ZSCAN30: variants seen among roughly 807,000 people sequenced by gnomAD.
ZSCAN30 encodes zinc finger and SCAN domain-containing protein 30.
ZSCAN30 carries 37 observed loss-of-function variants against 44.3 expected under a neutral mutation model. The ratio of observed to expected loss-of-function variants is 0.84; its 90% CI spans 0.64 to 1.10. The LOEUF (loss-of-function observed/expected upper bound fraction) is 1.10, where lower values mean the gene tolerates loss of function less well. Among genes scored for constraint, ZSCAN30 ranks in the 50% least tolerant of loss-of-function variants. The pLI is 0.00. For synonymous variants in ZSCAN30, 181 were observed against 204.6 expected, an observed-to-expected ratio of 0.88 and a Z score of 0.98; for missense variants, 549 against 582.6, an observed-to-expected ratio of 0.94 and a Z score of 0.59.
chr18:35,272,297 T>A (rs8083628), intron 1 of ZSCAN30, among the ~76,000 whole-genome samples: 118,158 of 151,134 alleles, frequency 0.78, 47,807 homozygotes, highest in Non-Finnish European at 0.89. Context: ...CCCAAAGTGC[T>A]GGGATTACAG....
chr18:35,271,686 G>C (rs1221575196), intron 1 of ZSCAN30, among the ~76,000 whole-genome samples: 1 of 152,224 alleles, frequency 6.6e-6, no homozygotes, highest in East Asian at 1.9e-4. Context: ...GATCGGACCG[G>C]GCACCACGGA....
At chr18:35,271,259 T>G (rs2044268403) in intron 1 of ZSCAN30, among the ~76,000 whole-genome samples, 1 of 152,224 alleles carries the variant, frequency 6.6e-6, no homozygotes, top group African/African-American at 2.4e-5. Flanking sequence ...TACAGAGAGC[T>G]GATTGGTCCG....
chr18:35,266,575 G>A (rs1057375419), intron 1 of ZSCAN30: 2 of 151,480 alleles, frequency 1.3e-5, no homozygotes, highest in African/African-American at 4.9e-5. Context: ...ACGAAGCAGC[G>A]TCTCCTAAAC....
chr18:35,270,895 T>C (rs779265024), intron 1 of ZSCAN30, among the ~76,000 whole-genome samples: 2 of 152,216 alleles, frequency 1.3e-5, no homozygotes, highest in African/African-American at 2.4e-5. Context: ...GATGGGTTCG[T>C]GGTCTTGCTG....
chr18:35,267,287 CG>C (rs34276172), intron 1 of ZSCAN30, among the ~76,000 whole-genome samples: 135,622 of 152,102 alleles, frequency 0.89, 60,788 homozygotes, highest in Non-Finnish European at 0.92. Context: ...ACCAAAAAGG[CG>C]GGGTGGCTGA....
intron 1 of ZSCAN30, chr18:35,268,194 A>G (rs1677193026): frequency 6.6e-6 from 1 of 152,370 alleles, no homozygotes; most frequent in South Asian, 2.1e-4. Context: ...AAACTAGGCC[A>G]AGGGGTTGGT....
intron 1 of ZSCAN30, among the ~76,000 whole-genome samples, chr18:35,285,415 G>A (rs149799136): frequency 2.9e-3 from 448 of 152,180 alleles, no homozygotes; most frequent in African/African-American, 0.01. Context: ...TAATCAAATA[G>A]TCAACCCAAC....
intron 1 of ZSCAN30, chr18:35,280,967 T>A (rs1218065744): frequency 6.6e-6 from 1 of 152,198 alleles, no homozygotes; most frequent in African/African-American, 2.4e-5. Context: ...ATACAATACA[T>A]GATAAGCAAA....
chr18:35,267,226 G>A (rs2044172753), intron 1 of ZSCAN30: 1 of 152,440 alleles, frequency 6.6e-6, no homozygotes, highest in East Asian at 2.0e-4. Flanking sequence ...AGACTCCTGA[G>A]CCTGCAGCCC....
Position 35,252,385 on chromosome 18 carries a change from T to G in ZSCAN30, c.*1065A>C, listed in dbSNP as rs2043630155. On this transcript the variant is annotated 3_prime_UTR_variant, in exon 4 of 4. Coordinates refer to ENST00000333206, the MANE Select transcript of ZSCAN30 (RefSeq NM_001112734.4). The stretch of plus-strand genomic sequence containing the variant: ...GGAAGTATAAAGGAACACGGTGATC[T>G]GCCTTCCCAGGCTCTGCTATTCCCC... 6.6e-6 allele frequency: 1 copy of G among 152,254 alleles called. No homozygotes were observed. The highest frequency in any genetic ancestry group is 1.9e-4 in the East Asian group (1 of 5,204). The allele number at this position is 152,254 out of a possible 1,614,324, so 9.4% of individuals were successfully genotyped here.
chr18:35,288,342 T>G (rs752797342), intron 1 of ZSCAN30, among the ~76,000 whole-genome samples: 8 of 152,072 alleles, frequency 5.3e-5, no homozygotes, highest in Non-Finnish European at 1.2e-4. Flanking sequence ...ACACAGTGAG[T>G]TGGTAAGGAT....
intron 1 of ZSCAN30, among the ~76,000 whole-genome samples, chr18:35,274,642 G>T (rs959932586): frequency 2.6e-5 from 4 of 152,140 alleles, no homozygotes; most frequent in African/African-American, 9.7e-5. Flanking sequence ...ACCCTCAGCT[G>T]CCTCTTCCAG....
At chr18:35,279,840 G>T (rs2044424502) in intron 1 of ZSCAN30, among the ~76,000 whole-genome samples, 1 of 152,114 alleles carries the variant, frequency 6.6e-6, no homozygotes. Flanking sequence ...GAATTTTGGG[G>T]GGACATAACA....
Position 35,253,836 on chromosome 18 carries a change from T to C in ZSCAN30, c.1099A>G (p.Arg367Gly). Residue 367 changes from arginine (R) to glycine (G), a missense_variant, in exon 4 of 4, where the codon AGG becomes GGG. By Grantham distance (125) the Arg-to-Gly change is moderately radical. Transcript: ENST00000333206. ...YECCECGKAFRGSSELIRHRR... is the reference protein window; with the variant it reads ...YECCECGKAFGGSSELIRHRR... ...TGCCTGATGAGCTCTGAACTGCCCC[T>C]GAAGGCTTTTCCACATTCACAACAT... 2 of 1,614,214 alleles carry C rather than the reference T, an allele frequency of 1.2e-6. No individual in the cohort carries two copies. Among genetic ancestry groups the C allele is most frequent in the Non-Finnish European group, 1.7e-6 (2 of 1,180,036 alleles).
rs2143640700 is a variant in ZSCAN30 at position 35,252,940 on chromosome 18, T to C, written c.*510A>G. 1 of 153,348 alleles carries C rather than the reference T, an allele frequency of 6.5e-6. No homozygotes were observed. The highest frequency in any genetic ancestry group is 1.9e-4 in the East Asian group (1 of 5,188). 9.5% of individuals were successfully genotyped at this position (153,348 alleles called of 1,614,324 possible). On this transcript the variant is annotated 3_prime_UTR_variant, in exon 4 of 4. Coordinates refer to ENST00000333206, the MANE Select transcript of ZSCAN30 (RefSeq NM_001112734.4). Reference sequence around the variant, plus strand: ...AGGCACCATTCCTCAGGTACTATTTTACTGCCTCAGATATTATTAAACTAA... The same window carrying C: ...AGGCACCATTCCTCAGGTACTATTTCACTGCCTCAGATATTATTAAACTAA...
At chr18:35,259,045 T>C (rs995800901) in intron 3 of ZSCAN30, 2 of 153,898 alleles carry the variant, frequency 1.3e-5, no homozygotes, top group South Asian at 2.0e-4. Flanking sequence ...ATAGTATGTT[T>C]ACTAGGGTTT....
At chr18:35,266,586 C>T (rs1238889351) in intron 1 of ZSCAN30, 1 of 151,470 alleles carries the variant, frequency 6.6e-6, no homozygotes, top group Non-Finnish European at 1.5e-5. Flanking sequence ...TCTCCTAAAC[C>T]GTGCTTTGCC....
chr18:35,261,805 G>C (rs748896846), intron 3 of ZSCAN30: 1 of 152,128 alleles, frequency 6.6e-6, no homozygotes, highest in Non-Finnish European at 1.5e-5. Flanking sequence ...GAGACGATAG[G>C]GTTTTCTAGA....
At chr18:35,259,707 A>T (rs1206785546) in intron 3 of ZSCAN30, 1 of 154,316 alleles carries the variant, frequency 6.5e-6, no homozygotes, top group Non-Finnish European at 1.5e-5. Flanking sequence ...GACACAACTC[A>T]TCCCATAACA....
Sources: allele counts gnomAD v4.1 joint callset (sites outside exome capture counted in the v4.1 genomes callset), GRCh38; gene constraint gnomAD v4.1.1; transcripts MANE v1.5; gene names NCBI Gene and HGNC (gene_info 2026-07-23, HGNC 2026-07-21).